Variants in CERS6 observed in about 807,000 individuals in gnomAD.
The protein encoded by CERS6 is ceramide synthase 6.
Under a neutral mutation model 56.8 loss-of-function variants are expected in CERS6, and 26 were observed. The ratio of observed to expected loss-of-function variants is 0.46; its 90% CI spans 0.34 to 0.63. The LOEUF (loss-of-function observed/expected upper bound fraction) is 0.63, where lower values mean the gene tolerates loss of function less well. CERS6 is among the 30% of genes least tolerant of loss of function. CERS6 has a pLI of 0.01. For synonymous variants in CERS6, 164 were observed against 173.3 expected (o/e 0.95, Z 0.42); for missense variants, 415 against 467.5 (o/e 0.89, Z 1.04).
intron 6 of CERS6, among the ~76,000 whole-genome samples, chr2:168,708,837 TC>T (rs1687021459): frequency 6.6e-6 from 1 of 152,162 alleles, no homozygotes. Context: ...CAAAAATTAT[TC>T]CCAGAAGACA....
intron 8 of CERS6, among the ~76,000 whole-genome samples, chr2:168,763,656 G>C (rs749258762): frequency 1.3e-5 from 2 of 152,098 alleles, no homozygotes; most frequent in Non-Finnish European, 2.9e-5. Context: ...TTTGTCTTAT[G>C]TTTTTATATG....
chr2:168,512,051 C>A (rs1230169925), intron 1 of CERS6, among the ~76,000 whole-genome samples: 2 of 152,072 alleles, frequency 1.3e-5, no homozygotes, highest in Non-Finnish European at 2.9e-5. Flanking sequence ...ACCCTTAGCA[C>A]GTTAGCCTAA....
chr2:168,642,458 C>T (rs1251818762), intron 4 of CERS6, among the ~76,000 whole-genome samples: 1 of 152,186 alleles, frequency 6.6e-6, no homozygotes, highest in Non-Finnish European at 1.5e-5. Flanking sequence ...TGTGTACATA[C>T]ACATATACAT....
In CERS6 at chr2:168,574,531, C is replaced by A. The variant is rs892037738; in HGVS notation, c.407+13209C>A. 2.6e-5 allele frequency among the ~76,000 whole-genome samples: 4 copies of A among 151,958 alleles called. No homozygotes were observed. The South Asian group carries it at 8.3e-4, about 32-fold the overall frequency. On this transcript the variant is annotated intron_variant, in intron 3 of 9. Transcript: ENST00000305747. ...ATTTTATCATCATCCTTAGGATGAA[C>A]AAACAATCCTTCATTTCCTTATCCA... is the stretch of plus-strand genomic sequence containing the variant.
intron 6 of CERS6, among the ~76,000 whole-genome samples, chr2:168,705,549 A>G (rs1217271818): frequency 1.3e-5 from 2 of 152,270 alleles, no homozygotes; most frequent in East Asian, 3.9e-4. Flanking sequence ...GGATGATGAC[A>G]AGAGTTCCCC....
chr2:168,712,987 G>A (rs1687131726), intron 6 of CERS6, among the ~76,000 whole-genome samples: 1 of 151,698 alleles, frequency 6.6e-6, no homozygotes, highest in African/African-American at 2.4e-5. Flanking sequence ...TTCCCCCATA[G>A]CACATTTTTA....
intron 4 of CERS6, among the ~76,000 whole-genome samples, chr2:168,690,704 G>A (rs895467451): frequency 3.9e-5 from 6 of 152,108 alleles, no homozygotes; most frequent in African/African-American, 1.4e-4. Context: ...TCTGGTTTCT[G>A]TGAGACCCCT....
chr2:168,623,805 C>A (rs1186253097), intron 3 of CERS6, among the ~76,000 whole-genome samples: 3 of 152,098 alleles, frequency 2.0e-5, no homozygotes, highest in East Asian at 1.9e-4. Context: ...GGCATAGTTA[C>A]CCATTTCTAG....
intron 8 of CERS6, among the ~76,000 whole-genome samples, chr2:168,729,593 G>A (rs551968407): frequency 6.6e-6 from 1 of 152,312 alleles, no homozygotes; most frequent in East Asian, 1.9e-4. Flanking sequence ...CTTCCCTGCA[G>A]AATCCCAGAG....
At chr2:168,723,413 G>A (rs541374285) in intron 8 of CERS6, among the ~76,000 whole-genome samples, 1 of 152,132 alleles carries the variant, frequency 6.6e-6, no homozygotes, top group Admixed American at 6.5e-5. Flanking sequence ...AGCCCAGCCA[G>A]TATTCAAAAA....
chr2:168,513,657 A>G (rs778095782), intron 1 of CERS6, among the ~76,000 whole-genome samples: 1 of 152,200 alleles, frequency 6.6e-6, no homozygotes, highest in African/African-American at 2.4e-5. Flanking sequence ...CACCTGGCTG[A>G]TGCAGTGTTT....
chr2:168,714,904 G>T (rs13014488), intron 6 of CERS6, 97 bp from the exon 7 acceptor site: 529,040 of 1,137,022 alleles, frequency 0.47, 131,462 homozygotes, highest in Non-Finnish European at 0.51. Context: ...TGCTAGGTTT[G>T]TGGAGGTTCT....
chr2:168,560,195 A>C (rs1306135903), intron 2 of CERS6, among the ~76,000 whole-genome samples: 1 of 152,188 alleles, frequency 6.6e-6, no homozygotes, highest in Non-Finnish European at 1.5e-5. Context: ...AAACCATCAG[A>C]TCTTGTGAGA....
At chr2:168,503,416 A>T (rs1694619941) in intron 1 of CERS6, among the ~76,000 whole-genome samples, 1 of 152,336 alleles carries the variant, frequency 6.6e-6, no homozygotes, top group Non-Finnish European at 1.5e-5. Flanking sequence ...AACTATGGTT[A>T]GGTTACAAGA....
rs111622153 is a variant in CERS6, at chr2:168,540,154, GT to G, written c.171-7430del. Among the ~76,000 whole-genome samples, 935 of 145,268 alleles carry G rather than the reference GT, an allele frequency of 6.4e-3. 6 individuals are homozygous for G. The highest frequency in any genetic ancestry group is 0.022 in the East Asian group (111 of 5,032). ...CTGAACATAGAATTTTTGGCTGACA[GT>G]TTTTTTTTTTTCCGCTTCCAGTATA... is the stretch of plus-strand genomic sequence containing the variant. On this transcript the variant is annotated intron_variant, in intron 1 of 9. Transcript: ENST00000305747.
At chr2:168,580,903 C>G (rs1399898046) in intron 3 of CERS6, among the ~76,000 whole-genome samples, 1 of 151,886 alleles carries the variant, frequency 6.6e-6, no homozygotes, top group Admixed American at 6.6e-5. Context: ...CCTTTTTATC[C>G]CTGTAGGCTT....
At chr2:168,699,328 G>A (rs1199814998) in intron 6 of CERS6, among the ~76,000 whole-genome samples, 4 of 152,202 alleles carry the variant, frequency 2.6e-5, no homozygotes, top group Admixed American at 1.3e-4. Context: ...TGGCAATACA[G>A]TATGGAAATC....
At chr2:168,500,208 G>C (rs934294618) in intron 1 of CERS6, among the ~76,000 whole-genome samples, 1 of 152,184 alleles carries the variant, frequency 6.6e-6, no homozygotes, top group Non-Finnish European at 1.5e-5. Context: ...GCATAATGGG[G>C]ATGAAGTTTT....
At chr2:168,459,785 T>C (rs1693745840) in intron 1 of CERS6, among the ~76,000 whole-genome samples, 1 of 152,262 alleles carries the variant, frequency 6.6e-6, no homozygotes, top group African/African-American at 2.4e-5. Flanking sequence ...AATGCTTGTT[T>C]AGATTCAGTA....
Sources: gnomAD v4.1 joint callset for allele counts (sites outside exome capture counted in the v4.1 genomes callset) on GRCh38, gnomAD v4.1.1 for gene constraint, MANE v1.5 for transcripts, NCBI Gene and HGNC (gene_info 2026-07-23, HGNC 2026-07-21) for gene names.